Variants in LRRC7 observed in about 807,000 individuals in gnomAD.
LRRC7 encodes leucine-rich repeat-containing protein 7.
LRRC7 carries 23 observed loss-of-function variants against 175.7 expected under a neutral mutation model. That is an observed-to-expected ratio of 0.13 (90% CI 0.09 to 0.19). The LOEUF is 0.19. Ranked by LOEUF, LRRC7 falls within the 10% of genes least tolerant of loss-of-function variation. LRRC7 has a pLI of 1.00. For synonymous variants in LRRC7, 685 were observed against 680.9 expected, an observed-to-expected ratio of 1.01 and a Z score of -0.09; for missense variants, 1,354 against 1,904.7, an observed-to-expected ratio of 0.71 and a Z score of 5.38.
intron 4 of LRRC7, among the ~76,000 whole-genome samples, chr1:69,797,021 T>C (rs1397417989): frequency 6.6e-6 from 1 of 152,212 alleles, no homozygotes; most frequent in African/African-American, 2.4e-5. Flanking sequence ...CTATCTCATT[T>C]ATTTCTCTGT....
chr1:69,669,086 A>G (rs1260635014), intron 1 of LRRC7, among the ~76,000 whole-genome samples: 2 of 152,112 alleles, frequency 1.3e-5, no homozygotes, highest in African/African-American at 4.8e-5. Context: ...TAGTCTCTCT[A>G]CTTAAGATAA....
chr1:69,628,025 T>C (rs1404817598), intron 1 of LRRC7, among the ~76,000 whole-genome samples: 5 of 152,124 alleles, frequency 3.3e-5, no homozygotes, highest in Non-Finnish European at 5.9e-5. Flanking sequence ...CTTCTCAAAA[T>C]TGTTTCCTTA....
At position 69,958,265 on chromosome 1, in the gene LRRC7, A is replaced by G. The variant is rs1027669920; in HGVS notation, c.712-22114A>G. Among the ~76,000 whole-genome samples the G allele has an allele frequency of 5.3e-5, 8 of 152,022 alleles. No homozygotes were observed. The South Asian group carries it at 1.2e-3, about 24-fold the overall frequency. Reference sequence around the variant, plus strand: ...TATCTGCCCTTTATTGGCTGACTTTACTAGCTAAGTACTTAGTCTGACTTA... The same window carrying G: ...TATCTGCCCTTTATTGGCTGACTTTGCTAGCTAAGTACTTAGTCTGACTTA... On this transcript the variant is annotated intron_variant, in intron 8 of 26. Coordinates refer to ENST00000651989, the MANE Select transcript of LRRC7 (RefSeq NM_001370785.2).
At position 69,990,354 on chromosome 1, in the gene LRRC7, C is replaced by G. The variant is rs190575342; in HGVS notation, c.931+3968C>G. On this transcript the variant is annotated intron_variant, in intron 10 of 26. Coordinates refer to ENST00000651989, the MANE Select transcript of LRRC7 (RefSeq NM_001370785.2). The stretch of plus-strand genomic sequence containing the variant: ...TAGAGAGAAGGAATAGGATAAAATA[C>G]CTTTGATTACTCTAGAGAAAAGAGT... 5.7e-3 allele frequency among the ~76,000 whole-genome samples: 864 copies of G among 151,914 alleles called. 4 individuals carry two copies. Among genetic ancestry groups the G allele is most frequent in the Admixed American group, 9.7e-3 (148 of 15,252 alleles).
chr1:70,056,073 A>G (rs1040220759), intron 23 of LRRC7, among the ~76,000 whole-genome samples: 2 of 152,170 alleles, frequency 1.3e-5, no homozygotes, highest in Non-Finnish European at 2.9e-5. Context: ...AGGTTTTTAC[A>G]TGTTGATTTG....
chr1:69,874,922 G>C (rs1486967208), intron 7 of LRRC7: 2 of 151,970 alleles, frequency 1.3e-5, no homozygotes, highest in African/African-American at 2.4e-5. Context: ...ATTGACTTCT[G>C]TCATTGTCAC....
In LRRC7 at chr1:70,130,365, C is replaced by A. The variant is rs1666615278; in HGVS notation, c.*8478C>A. ...ATTTGTGTAATTATTAAGTGGATGA[C>A]AGGCCTGGCACATAGTGCACTTTAT... On this transcript the variant is annotated 3_prime_UTR_variant, in exon 27 of 27. Coordinates refer to ENST00000651989, the MANE Select transcript of LRRC7 (RefSeq NM_001370785.2). 1 of 152,170 alleles carries A rather than the reference C, an allele frequency of 6.6e-6. No homozygotes were observed. 9.4% of individuals were successfully genotyped at this position (152,170 alleles called of 1,614,324 possible). A position where few individuals can be genotyped will look rare whatever the true frequency, so the allele number is the denominator to read the frequency against.
chr1:69,897,572 A>T (rs1394858434), intron 7 of LRRC7, among the ~76,000 whole-genome samples: 2 of 152,190 alleles, frequency 1.3e-5, no homozygotes, highest in Non-Finnish European at 2.9e-5. Context: ...GGCCTGGGAC[A>T]TAATAGGTGT....
chr1:69,677,295 C>T (rs1170872248), intron 1 of LRRC7, among the ~76,000 whole-genome samples: 1 of 114,382 alleles, frequency 8.7e-6, no homozygotes, highest in African/African-American at 3.2e-5. Context: ...CATATATATC[C>T]CACATTTTCT....
At chr1:70,006,843 C>T (rs575864254) in intron 11 of LRRC7, among the ~76,000 whole-genome samples, 1 of 152,226 alleles carries the variant, frequency 6.6e-6, no homozygotes, top group Non-Finnish European at 1.5e-5. Context: ...CAGGAAAACA[C>T]ATTAACCAGT....
intron 1 of LRRC7, among the ~76,000 whole-genome samples, chr1:69,644,545 A>G (rs916170361): frequency 6.6e-6 from 1 of 151,996 alleles, no homozygotes; most frequent in African/African-American, 2.4e-5. Context: ...CTTCTTGTAA[A>G]CAGATAAAAT....
intron 22 of LRRC7, among the ~76,000 whole-genome samples, chr1:70,051,713 G>T (rs1254166129): frequency 3.3e-5 from 5 of 150,246 alleles, no homozygotes; most frequent in South Asian, 2.1e-4. Flanking sequence ...CATAACCAAA[G>T]AACAAGAAGA....
intron 7 of LRRC7, among the ~76,000 whole-genome samples, chr1:69,894,799 A>G (rs1645931856): frequency 6.6e-6 from 1 of 152,244 alleles, no homozygotes; most frequent in Non-Finnish European, 1.5e-5. Context: ...AATCAAAGGT[A>G]TAGAAGTAAA....
At chr1:69,597,831 C>A (rs938740962) in intron 1 of LRRC7, among the ~76,000 whole-genome samples, 8 of 152,272 alleles carry the variant, frequency 5.3e-5, no homozygotes, top group African/African-American at 1.9e-4. Flanking sequence ...GAATTAGCAT[C>A]ATGCAATACC....
At chr1:70,116,904 G>A (rs11810684) in intron 26 of LRRC7, among the ~76,000 whole-genome samples, 19,294 of 152,108 alleles carry the variant, frequency 0.13, 1,668 homozygotes, top group African/African-American at 0.24. Flanking sequence ...TGAGATTCCT[G>A]CTCTTTCTCA....
chr1:69,672,855 CAG>C (rs1342525553), intron 1 of LRRC7, among the ~76,000 whole-genome samples: 11 of 152,292 alleles, frequency 7.2e-5, no homozygotes, highest in African/African-American at 2.4e-4. Context: ...AGATTATCAA[CAG>C]TGAGTTGATA....
At chr1:69,764,897 A>T (rs762385767) in intron 3 of LRRC7, among the ~76,000 whole-genome samples, 8 of 152,050 alleles carry the variant, frequency 5.3e-5, no homozygotes, top group Non-Finnish European at 8.8e-5. Flanking sequence ...TTTCCATGTT[A>T]ATTTACCCTG....
Position 69,919,325 on chromosome 1 carries a change from T to C in LRRC7, c.648-12182T>C, listed in dbSNP as rs1646810932. ...ATATGACCGTGTTCCAATAAAACTT[T>C]ATTTACAAAAACAAGAGCGTGAGGA... On this transcript the variant is annotated intron_variant, in intron 7 of 26. Coordinates refer to ENST00000651989, the MANE Select transcript of LRRC7 (RefSeq NM_001370785.2). The C allele has an allele frequency of 5.2e-6, 3 of 574,814 alleles. No individual in the cohort carries two copies. In the South Asian group the frequency reaches 6.5e-5, roughly 13 times the overall value. 35.6% of individuals were successfully genotyped at this position (574,814 alleles called of 1,614,324 possible). A position where few individuals can be genotyped will look rare whatever the true frequency, so the allele number is the denominator to read the frequency against.
At chr1:69,874,316 C>A (rs919290020) in intron 7 of LRRC7, 1 of 152,096 alleles carries the variant, frequency 6.6e-6, no homozygotes, top group African/African-American at 2.4e-5. Flanking sequence ...TTGCTTTTAA[C>A]ATTTTATACA....
Sources: gnomAD v4.1 joint callset for allele counts (sites outside exome capture counted in the v4.1 genomes callset) on GRCh38, gnomAD v4.1.1 for gene constraint, MANE v1.5 for transcripts, NCBI Gene and HGNC (gene_info 2026-07-23, HGNC 2026-07-21) for gene names.